Variants in B4GALT1 observed in about 807,000 individuals in gnomAD.
B4GALT1 encodes N-acetyllactosamine synthase.
In B4GALT1, 16 loss-of-function variants were observed where a neutral mutation model predicts 34.9. The ratio of observed to expected loss-of-function variants is 0.46; its 90% CI spans 0.31 to 0.70. B4GALT1 has a LOEUF of 0.70. Among genes scored for constraint, B4GALT1 ranks in the 30% least tolerant of loss-of-function variants. B4GALT1 has a pLI of 0.05. For missense variants in B4GALT1, 445 were observed against 530.5 expected, an observed-to-expected ratio of 0.84 and a Z score of 1.58; for synonymous variants, 221 against 218.1, an observed-to-expected ratio of 1.01 and a Z score of -0.12.
Position 33,113,409 on chromosome 9 carries a change from G to C in B4GALT1, c.*45C>G, listed in dbSNP as rs1483933713. 3 of 1,613,568 alleles carry C rather than the reference G, an allele frequency of 1.9e-6. No homozygotes were observed. The highest frequency in any genetic ancestry group is 2.5e-6 in the Non-Finnish European group (3 of 1,179,694). ...AGCAGATTGGCAGAGACACACAGCA[G>C]AGGTCCCTGGCTAATTTCAGGTCTC... On this transcript the variant is annotated 3_prime_UTR_variant, in exon 6 of 6. Coordinates refer to ENST00000379731, the MANE Select transcript of B4GALT1 (RefSeq NM_001497.4).
chr9:33,121,647 T>C (rs1454064408), intron 2 of B4GALT1, among the ~76,000 whole-genome samples: 1 of 151,834 alleles, frequency 6.6e-6, no homozygotes, highest in African/African-American at 2.4e-5. Context: ...TAGGATTACA[T>C]GTATGTTTTA....
the B4GALT1 span, among the ~76,000 whole-genome samples, chr9:33,174,446 C>A: frequency 1.3e-5 from 2 of 151,850 alleles, no homozygotes; most frequent in Admixed American, 1.3e-4. Flanking sequence ...GTTAGGGGTT[C>A]AAGACCAGCC....
chr9:33,159,768 T>C (rs747782276), intron 1 of B4GALT1, among the ~76,000 whole-genome samples: 10 of 152,262 alleles, frequency 6.6e-5, no homozygotes, highest in Non-Finnish European at 8.8e-5. Context: ...CCCACCTTCC[T>C]GTGCGTCACA....
chr9:33,174,958 TAAAAAAAAAAAAAAAAAA>T, the B4GALT1 span, among the ~76,000 whole-genome samples: 6 of 13,356 alleles, frequency 4.5e-4, no homozygotes, highest in African/African-American at 1.7e-3. Flanking sequence ...GACTCTGTCT[TAAAAAAAAAAAAAAAAAA>T]AAAAAAAAAA....
At chr9:33,115,612 T>C (rs1839927863) in intron 4 of B4GALT1, among the ~76,000 whole-genome samples, 1 of 152,230 alleles carries the variant, frequency 6.6e-6, no homozygotes, top group Non-Finnish European at 1.5e-5. Context: ...ACAAAGCTTC[T>C]GTGAAGACAG....
the B4GALT1 span, among the ~76,000 whole-genome samples, chr9:33,174,990 A>AATATATATATAT: frequency 1.4e-3 from 7 of 4,834 alleles, no homozygotes; most frequent in South Asian, 0.031. Context: ...AAAAAAAAAA[A>AATATATATATAT]ATATATATAT....
At chr9:33,123,121 T>C (rs150414734) in intron 2 of B4GALT1, among the ~76,000 whole-genome samples, 1 of 151,944 alleles carries the variant, frequency 6.6e-6, no homozygotes, top group East Asian at 1.9e-4. Flanking sequence ...CTACTAAAAA[T>C]ACAAAAATTA....
chr9:33,158,261 T>C (rs1840626093), intron 1 of B4GALT1, among the ~76,000 whole-genome samples: 1 of 152,106 alleles, frequency 6.6e-6, no homozygotes, highest in Non-Finnish European at 1.5e-5. Flanking sequence ...TGTAATGAAT[T>C]AGAAAAAGAA....
the B4GALT1 span, chr9:33,180,035 C>T: frequency 1.3e-5 from 2 of 152,318 alleles, no homozygotes; most frequent in African/African-American, 4.8e-5. Context: ...CTTCTCCCAA[C>T]CTGAAGACAA....
chr9:33,168,239 G>A (rs897095089), upstream of B4GALT1, among the ~76,000 whole-genome samples: 1 of 152,222 alleles, frequency 6.6e-6, no homozygotes, highest in African/African-American at 2.4e-5. Context: ...CGAAACCCAT[G>A]TTTTCTACAG....
the B4GALT1 span, among the ~76,000 whole-genome samples, chr9:33,182,441 C>T: frequency 6.6e-6 from 1 of 152,090 alleles, no homozygotes; most frequent in South Asian, 2.1e-4. Flanking sequence ...TCATTACAGC[C>T]ATTATATGGA....
At chr9:33,129,775 A>G (rs967956336) in intron 2 of B4GALT1, among the ~76,000 whole-genome samples, 1 of 152,086 alleles carries the variant, frequency 6.6e-6, no homozygotes, top group Non-Finnish European at 1.5e-5. Flanking sequence ...GAGGTTGGGG[A>G]GGGAAGCTTA....
chr9:33,162,582 C>T (rs1469618068), intron 1 of B4GALT1, among the ~76,000 whole-genome samples: 1 of 152,186 alleles, frequency 6.6e-6, no homozygotes, highest in Non-Finnish European at 1.5e-5. Flanking sequence ...AACGCTAGGG[C>T]ATATCAGGTC....
chr9:33,135,859 A>G (rs534028884), intron 1 of B4GALT1, among the ~76,000 whole-genome samples: 1 of 151,362 alleles, frequency 6.6e-6, no homozygotes, highest in African/African-American at 2.4e-5. Flanking sequence ...AATGGCTGAC[A>G]TCATCTCTCT....
chr9:33,116,521 C>CTTT (rs577170197), intron 3 of B4GALT1, among the ~76,000 whole-genome samples: 46,972 of 106,984 alleles, frequency 0.44, 12,891 homozygotes, highest in Non-Finnish European at 0.55. Context: ...CAAACCGGAT[C>CTTT]TTTTTTTTTT....
intron 2 of B4GALT1, among the ~76,000 whole-genome samples, chr9:33,126,042 T>A (rs1840087943): frequency 6.6e-6 from 1 of 152,128 alleles, no homozygotes; most frequent in South Asian, 2.1e-4. Flanking sequence ...GTTGCTCCTA[T>A]ACACATGCCC....
the B4GALT1 span, among the ~76,000 whole-genome samples, chr9:33,177,947 C>A: frequency 6.7e-6 from 1 of 149,970 alleles, no homozygotes; most frequent in Non-Finnish European, 1.5e-5. Context: ...GCTGGGTTCT[C>A]AGAAGGAGCA....
chr9:33,104,213 C>T (rs1556253), exon 3 of B4GALT1: 68,463 of 152,536 alleles, frequency 0.45, 17,846 homozygotes, highest in South Asian at 0.59. Context: ...GGAGTTCAGG[C>T]TCTGCTTCCT....
At chr9:33,141,478 T>C (rs963863474) in intron 1 of B4GALT1, among the ~76,000 whole-genome samples, 6 of 152,000 alleles carry the variant, frequency 3.9e-5, no homozygotes, top group African/African-American at 7.3e-5. Context: ...AATCACGCCA[T>C]TGCACTCCAG....
Sources: gnomAD v4.1 joint callset for allele counts (sites outside exome capture counted in the v4.1 genomes callset) on GRCh38, gnomAD v4.1.1 for gene constraint, MANE v1.5 for transcripts, NCBI Gene and HGNC (gene_info 2026-07-23, HGNC 2026-07-21) for gene names.